Variants in PTGER4 observed in about 807,000 individuals in gnomAD.
PTGER4 encodes the protein prostaglandin E receptor 4.
PTGER4 carries 11 observed loss-of-function variants against 33.2 expected under a neutral mutation model. The observed-to-expected ratio is 0.33, with a 90% CI of 0.21 to 0.55. The LOEUF is 0.55. PTGER4 is among the 20% of genes least tolerant of loss of function. The pLI, the probability that PTGER4 is intolerant of heterozygous loss-of-function variation, is 0.92. For missense variants in PTGER4, 481 were observed against 650.2 expected (o/e 0.74, Z 2.83); for synonymous variants, 275 against 281.5 (o/e 0.98, Z 0.23).
In PTGER4 at chr5:40,693,232, C is replaced by G; in HGVS notation, c.*854C>G. 3 of 984,034 alleles carry G rather than the reference C, an allele frequency of 3.0e-6. No homozygotes were observed. The highest frequency in any genetic ancestry group is 3.6e-6 in the Non-Finnish European group (3 of 828,376). The allele number at this position is 984,034 out of a possible 1,614,324, so 61.0% of individuals were successfully genotyped here. A position where few individuals can be genotyped will look rare whatever the true frequency, so the allele number is the denominator to read the frequency against. On this transcript the variant is annotated 3_prime_UTR_variant, in exon 3 of 3. Transcript: ENST00000302472. Reference sequence around the variant, plus strand: ...CTGGTGAATATTTTCAACTTTTTCCCTCACTAATTGGTACTTTTAAAAACA... The same window carrying G: ...CTGGTGAATATTTTCAACTTTTTCCGTCACTAATTGGTACTTTTAAAAACA...
At position 40,691,121 on chromosome 5, in the gene PTGER4, A is replaced by G. The variant is rs1371557474; in HGVS notation, c.868-658A>G. On this transcript the variant is annotated intron_variant, in intron 2 of 2. Coordinates refer to ENST00000302472, the MANE Select transcript of PTGER4 (RefSeq NM_000958.3). This position sits in a 1 kb window ranked among gnomAD's most constrained non-coding sequence, Gnocchi z 4.2. The stretch of plus-strand genomic sequence containing the variant: ...CTGCAACCTCCACCCGCCGCATTCA[A>G]GCCATTCTCCTGCCTCACCCTCCTG... Among the ~76,000 whole-genome samples, 1 of 152,236 alleles carries G rather than the reference A, an allele frequency of 6.6e-6. No individual in the cohort carries two copies. The highest frequency in any genetic ancestry group is 2.4e-5 in the African/African-American group (1 of 41,464).
rs765325841 is a variant in PTGER4 at position 40,681,245 on chromosome 5, A to G, written c.252A>G (p.Gln84=). 6 of 1,613,984 alleles carry G rather than the reference A, an allele frequency of 3.7e-6. No individual in the cohort carries two copies. Among genetic ancestry groups the G allele is most frequent in the African/African-American group, 1.3e-5 (1 of 74,934 alleles). ...CCATCGCCACGTACATGAAGGGCCA[A>G]TGGCCCGGGGGCCAGCCGCTGTGCG... The part of the protein sequence containing the change: ...PVTIATYMKG[Q]WPGGQPLCEY... Residue 84 remains glutamine (Q), a synonymous_variant, in exon 2 of 3, where the codon CAA becomes CAG. Transcript: ENST00000302472. This position sits in a 1 kb window ranked among gnomAD's most constrained non-coding sequence, Gnocchi z 9.8.
chr5:40,703,534 T>G, the PTGER4 span, among the ~76,000 whole-genome samples: 2 of 152,022 alleles, frequency 1.3e-5, no homozygotes, highest in African/African-American at 2.4e-5. Context: ...CAGGACCTGA[T>G]GGAGTCATAG....
At chr5:40,727,643 T>C in the PTGER4 span, among the ~76,000 whole-genome samples, 20 of 152,346 alleles carry the variant, frequency 1.3e-4, no homozygotes, top group African/African-American at 4.8e-4. Context: ...TTCCTTCCCC[T>C]GTATAATCTA....
chr5:40,744,278 T>C, the PTGER4 span, among the ~76,000 whole-genome samples: 1 of 152,194 alleles, frequency 6.6e-6, no homozygotes, highest in African/African-American at 2.4e-5. Flanking sequence ...TAATTGATCT[T>C]GATTGCTATT....
the PTGER4 span, among the ~76,000 whole-genome samples, chr5:40,726,311 TTTTAA>T: frequency 6.6e-6 from 1 of 152,030 alleles, no homozygotes; most frequent in South Asian, 2.1e-4. Context: ...AACTACTGAC[TTTTAA>T]TTTACTGCCT....
chr5:40,722,590 C>T, the PTGER4 span, among the ~76,000 whole-genome samples: 4 of 151,568 alleles, frequency 2.6e-5, no homozygotes, highest in Admixed American at 1.3e-4. Flanking sequence ...CGTCTCTGAC[C>T]GGCCGCCCCG....
chr5:40,732,435 GACCAAT>G, the PTGER4 span, among the ~76,000 whole-genome samples: 1 of 151,524 alleles, frequency 6.6e-6, no homozygotes, highest in Non-Finnish European at 1.5e-5. Context: ...AAAAATACAA[GACCAAT>G]ACTTTCTGTA....
chr5:40,703,435 G>A, the PTGER4 span, among the ~76,000 whole-genome samples: 8 of 152,066 alleles, frequency 5.3e-5, no homozygotes, highest in African/African-American at 1.9e-4. Flanking sequence ...TCCCAAGACT[G>A]AGCCAAGAAG....
downstream of PTGER4, among the ~76,000 whole-genome samples, chr5:40,694,695 T>C (rs6871999): frequency 0.69 from 104,738 of 152,030 alleles, 36,134 homozygotes; most frequent in East Asian, 0.8. Flanking sequence ...TTAATTACTC[T>C]CTTAAAGGCC....
the PTGER4 span, among the ~76,000 whole-genome samples, chr5:40,729,793 C>T: frequency 1.3e-5 from 2 of 152,124 alleles, no homozygotes; most frequent in Admixed American, 6.6e-5. Flanking sequence ...CCGCCTCCCA[C>T]GTTCAAGTGG....
At chr5:40,708,954 C>T in the PTGER4 span, among the ~76,000 whole-genome samples, 1 of 152,156 alleles carries the variant, frequency 6.6e-6, no homozygotes, top group African/African-American at 2.4e-5. Flanking sequence ...TCAATAGATG[C>T]AGAAAAGGCC....
chr5:40,693,266 AT>A lies in PTGER4; in HGVS notation c.*894del. ...TGGTACTTTTAAAAACATAACATAA[AT>A]TTTTTGAAGTCTTTAATAAATAACC... is the stretch of plus-strand genomic sequence containing the variant. On this transcript the variant is annotated 3_prime_UTR_variant, in exon 3 of 3. Transcript: ENST00000302472. 1.0e-6 allele frequency: 1 copy of A among 979,690 alleles called. No homozygotes were observed. The highest frequency in any genetic ancestry group is 4.7e-5 in the South Asian group (1 of 21,154). 60.7% of individuals were successfully genotyped at this position (979,690 alleles called of 1,614,324 possible).
the PTGER4 span, among the ~76,000 whole-genome samples, chr5:40,709,487 G>T: frequency 4.5e-4 from 68 of 152,214 alleles, no homozygotes; most frequent in African/African-American, 1.6e-3. Flanking sequence ...GGATGTGAAG[G>T]ACCTCTTCAA....
intron 2 of PTGER4, among the ~76,000 whole-genome samples, chr5:40,682,761 G>T (rs1055283446): frequency 6.6e-6 from 1 of 152,220 alleles, no homozygotes; most frequent in African/African-American, 2.4e-5. Flanking sequence ...TCTACAGCTT[G>T]TAATGGACCT....
chr5:40,723,616 G>A, the PTGER4 span, among the ~76,000 whole-genome samples: 1 of 152,046 alleles, frequency 6.6e-6, no homozygotes, highest in Non-Finnish European at 1.5e-5. Context: ...TATAATCCCA[G>A]CACTGTGGGA....
At chr5:40,686,766 C>T (rs1257555283) in intron 2 of PTGER4, among the ~76,000 whole-genome samples, 2 of 152,140 alleles carry the variant, frequency 1.3e-5, no homozygotes, top group African/African-American at 4.8e-5. Context: ...GGTGTGGTAA[C>T]ATGTGCCTGT....
chr5:40,735,506 CA>C, the PTGER4 span, among the ~76,000 whole-genome samples: 7 of 151,982 alleles, frequency 4.6e-5, no homozygotes, highest in Non-Finnish European at 8.8e-5. Context: ...AGCCTGAGGC[CA>C]AAGCTTACTG....
chr5:40,746,124 T>C, the PTGER4 span, among the ~76,000 whole-genome samples: 1 of 152,130 alleles, frequency 6.6e-6, no homozygotes, highest in African/African-American at 2.4e-5. Flanking sequence ...CAGAATCTAC[T>C]AAAAAATTTG....
Sources: gnomAD v4.1 joint callset for allele counts (sites outside exome capture counted in the v4.1 genomes callset) on GRCh38, gnomAD v4.1.1 for gene constraint, Gnocchi (gnomAD v3.1) non-coding constraint, MANE v1.5 for transcripts, NCBI Gene and HGNC (gene_info 2026-07-23, HGNC 2026-07-21) for gene names.